The following STRBP variants were observed in gnomAD, a reference collection of about 807,000 sequenced individuals.
The protein encoded by STRBP is spermatid perinuclear RNA binding protein.
Under a neutral mutation model 80.1 loss-of-function variants are expected in STRBP, and 13 were observed. That is an observed-to-expected ratio of 0.16 (90% CI 0.11 to 0.26). STRBP has a LOEUF of 0.26. STRBP is among the 10% of genes least tolerant of loss of function. The probability of loss-of-function intolerance (pLI) is 1.00; values close to 1 mark genes in which losing one functional copy is unlikely to be tolerated. For synonymous variants in STRBP, 284 were observed against 291.2 expected, an observed-to-expected ratio of 0.98 and a Z score of 0.25; for missense variants, 485 against 815.2, an observed-to-expected ratio of 0.59 and a Z score of 4.93.
chr9:123,218,889 G>A (rs2039985163), intron 2 of STRBP, among the ~76,000 whole-genome samples: 1 of 152,016 alleles, frequency 6.6e-6, no homozygotes, highest in Admixed American at 6.5e-5. Flanking sequence ...ACTGTTCTAA[G>A]TACACTGCAT....
intron 2 of STRBP, among the ~76,000 whole-genome samples, chr9:123,218,757 A>G (rs2039981529): frequency 6.6e-6 from 1 of 152,194 alleles, no homozygotes; most frequent in South Asian, 2.1e-4. Flanking sequence ...TATATATTCT[A>G]TTAGTGACTG....
chr9:123,144,632 T>C (rs1293984030), intron 13 of STRBP, among the ~76,000 whole-genome samples: 3 of 152,222 alleles, frequency 2.0e-5, no homozygotes, highest in African/African-American at 4.8e-5. Flanking sequence ...TTCTACGTAT[T>C]AGAACTATGA....
At chr9:123,235,550 T>C (rs1339068641) in intron 2 of STRBP, among the ~76,000 whole-genome samples, 1 of 52,950 alleles carries the variant, frequency 1.9e-5, no homozygotes, top group Non-Finnish European at 3.7e-5. Context: ...CAACTGAAAA[T>C]CTAAGTAGAA....
intron 6 of STRBP, among the ~76,000 whole-genome samples, chr9:123,168,491 A>G (rs1372853264): frequency 1.3e-5 from 2 of 152,188 alleles, no homozygotes; most frequent in Non-Finnish European, 2.9e-5. Flanking sequence ...TTTTACTTTA[A>G]GTGATTCTAT....
chr9:123,267,348 T>C (rs2041291571), intron 1 of STRBP, among the ~76,000 whole-genome samples: 1 of 151,498 alleles, frequency 6.6e-6, no homozygotes, highest in Non-Finnish European at 1.5e-5. Context: ...CACCTCCTGC[T>C]CTCCATCCCC....
intron 1 of STRBP, among the ~76,000 whole-genome samples, chr9:123,263,808 T>C (rs1205436349): frequency 6.6e-6 from 1 of 152,266 alleles, no homozygotes; most frequent in Non-Finnish European, 1.5e-5. Flanking sequence ...TCTATTTTTC[T>C]ATTCCAGTCA....
intron 2 of STRBP, among the ~76,000 whole-genome samples, chr9:123,204,824 T>A (rs1295957973): frequency 1.4e-5 from 2 of 147,046 alleles, no homozygotes; most frequent in Non-Finnish European, 3.0e-5. Flanking sequence ...CTCGGGAGGC[T>A]GAGGCAGGAA....
intron 11 of STRBP, among the ~76,000 whole-genome samples, chr9:123,151,231 A>G (rs539347958): frequency 1.3e-5 from 2 of 152,010 alleles, no homozygotes; most frequent in East Asian, 3.9e-4. Context: ...TGAAAAATAT[A>G]AACTAAAACC....
chr9:123,262,616 C>T (rs2041182008), intron 1 of STRBP, among the ~76,000 whole-genome samples: 1 of 152,120 alleles, frequency 6.6e-6, no homozygotes, highest in Admixed American at 6.5e-5. Context: ...TCAAGTTATG[C>T]TAAAGTTAAC....
chr9:123,174,962 T>C (rs867191368), intron 4 of STRBP, among the ~76,000 whole-genome samples: 49 of 152,346 alleles, frequency 3.2e-4, no homozygotes, highest in Middle Eastern at 3.4e-3. Context: ...TTACAGTCTC[T>C]CCTGCTCCTG....
intron 6 of STRBP, among the ~76,000 whole-genome samples, chr9:123,166,007 GCTGA>G (rs566342075): frequency 8.9e-4 from 135 of 152,248 alleles, no homozygotes; most frequent in African/African-American, 2.9e-3. Context: ...CAGACAATAT[GCTGA>G]CTATGTTAAT....
Position 123,122,578 on chromosome 9 carries a change from TTCA to T in STRBP, c.*3016_*3018del. ...ACTCCTTACTTCACCACCCATGCAC[TTCA>T]TCTAGTCAGCATGAGGTATGTTGGA... On this transcript the variant is annotated 3_prime_UTR_variant, in exon 19 of 19. Transcript: ENST00000348403. 9.0e-7 allele frequency: 1 copy of T among 1,113,266 alleles called. No homozygotes were observed. The highest frequency in any genetic ancestry group is 2.2e-5 in the South Asian group (1 of 44,476). 69.0% of individuals were successfully genotyped at this position (1,113,266 alleles called of 1,614,324 possible). A position where few individuals can be genotyped will look rare whatever the true frequency, so the allele number is the denominator to read the frequency against.
At chr9:123,144,311 G>A (rs1456235863) in intron 13 of STRBP, among the ~76,000 whole-genome samples, 4 of 151,968 alleles carry the variant, frequency 2.6e-5, no homozygotes, top group Admixed American at 2.6e-4. Flanking sequence ...GTGCCAGGTT[G>A]TTTTGAGAAT....
At chr9:123,156,349 A>G (rs1181566119) in intron 11 of STRBP, among the ~76,000 whole-genome samples, 1 of 152,104 alleles carries the variant, frequency 6.6e-6, no homozygotes, top group Non-Finnish European at 1.5e-5. Context: ...TCATTCCTCA[A>G]GTAATATTAA....
chr9:123,250,112 G>C (rs1275318865), intron 1 of STRBP, among the ~76,000 whole-genome samples: 1 of 152,214 alleles, frequency 6.6e-6, no homozygotes, highest in African/African-American at 2.4e-5. Context: ...CATTTGTCAA[G>C]TTTTGGTGTA....
chr9:123,243,956 A>C (rs2040748846), intron 1 of STRBP, among the ~76,000 whole-genome samples: 1 of 152,222 alleles, frequency 6.6e-6, no homozygotes, highest in African/African-American at 2.4e-5. Flanking sequence ...ACATCCACAC[A>C]AAAGTCCACA....
chr9:123,162,870 A>G (rs900319420), intron 6 of STRBP, among the ~76,000 whole-genome samples: 4 of 152,260 alleles, frequency 2.6e-5, no homozygotes, highest in African/African-American at 9.6e-5. Flanking sequence ...TACAAAATAT[A>G]CAAGTAGCTC....
chr9:123,134,632 CTTAGTCAAAA>C (rs1291192093), intron 16 of STRBP, among the ~76,000 whole-genome samples: 5 of 152,108 alleles, frequency 3.3e-5, no homozygotes, highest in African/African-American at 4.8e-5. Flanking sequence ...TTTAACATGA[CTTAGTCAAAA>C]GTAGTCAGCA....
chr9:123,160,664 C>T (rs1355213086), intron 7 of STRBP, among the ~76,000 whole-genome samples: 7 of 152,104 alleles, frequency 4.6e-5, no homozygotes, highest in Non-Finnish European at 8.8e-5. Context: ...AAATTAATTT[C>T]GTAGTCTCAT....
Sources: allele counts gnomAD v4.1 joint callset (sites outside exome capture counted in the v4.1 genomes callset), GRCh38; gene constraint gnomAD v4.1.1; transcripts MANE v1.5; gene names NCBI Gene and HGNC (gene_info 2026-07-23, HGNC 2026-07-21).